RANBP2: variants seen among roughly 807,000 people sequenced by gnomAD.
RANBP2 encodes RAN binding protein 2.
RANBP2 carries 57 observed loss-of-function variants against 303.6 expected under a neutral mutation model. That is an observed-to-expected ratio of 0.19 (90% CI 0.15 to 0.23). The LOEUF is 0.23. RANBP2 is among the 10% of genes least tolerant of loss of function. The probability of loss-of-function intolerance (pLI) is 1.00; values close to 1 mark genes in which losing one functional copy is unlikely to be tolerated. For missense variants in RANBP2, 3,138 were observed against 3,780.8 expected (o/e 0.83, Z 4.46); for synonymous variants, 1,167 against 1,301.5 (o/e 0.90, Z 2.23).
intron 6 of RANBP2, among the ~76,000 whole-genome samples, chr2:108,738,144 C>T (rs370434628): frequency 6.6e-5 from 10 of 151,772 alleles, no homozygotes; most frequent in South Asian, 2.1e-4. Flanking sequence ...GGCGCCATCT[C>T]GGCTCACTGC....
At chr2:108,933,376 G>A in the RANBP2 span, among the ~76,000 whole-genome samples, 1 of 152,186 alleles carries the variant, frequency 6.6e-6, no homozygotes, top group African/African-American at 2.4e-5. Context: ...AGGAAAAAGC[G>A]TGTGTCCCTG....
chr2:109,485,796 A>G, the RANBP2 span, among the ~76,000 whole-genome samples: 51 of 152,338 alleles, frequency 3.3e-4, no homozygotes, highest in African/African-American at 1.2e-3. Flanking sequence ...GTAACATGTC[A>G]GTGTTCCGTG....
the RANBP2 span, among the ~76,000 whole-genome samples, chr2:109,183,554 G>A: frequency 3.9e-5 from 6 of 152,206 alleles, no homozygotes; most frequent in Non-Finnish European, 7.4e-5. Flanking sequence ...GAACATTTGA[G>A]TCTTACCCCA....
the RANBP2 span, among the ~76,000 whole-genome samples, chr2:109,392,605 C>T: frequency 3.3e-5 from 5 of 151,976 alleles, no homozygotes; most frequent in Admixed American, 6.5e-5. Flanking sequence ...AGCTCCGCCT[C>T]GTGGGTTCAC....
At chr2:108,827,553 C>T in the RANBP2 span, among the ~76,000 whole-genome samples, 1 of 151,920 alleles carries the variant, frequency 6.6e-6, no homozygotes, top group South Asian at 2.1e-4. Flanking sequence ...GCAGTGGCTC[C>T]CGCCTGTAAT....
the RANBP2 span, among the ~76,000 whole-genome samples, chr2:109,307,435 T>TTTA: frequency 3.8e-4 from 57 of 150,448 alleles, no homozygotes; most frequent in East Asian, 2.7e-3. Flanking sequence ...TTTTTTTTAT[T>TTTA]ATTATACTTT....
the RANBP2 span, among the ~76,000 whole-genome samples, chr2:109,677,446 T>G: frequency 6.6e-6 from 1 of 152,238 alleles, no homozygotes; most frequent in Non-Finnish European, 1.5e-5. Flanking sequence ...TGCCCTGGCA[T>G]GTACCCAACA....
the RANBP2 span, among the ~76,000 whole-genome samples, chr2:109,525,476 A>G: frequency 6.6e-6 from 1 of 152,152 alleles, no homozygotes; most frequent in Non-Finnish European, 1.5e-5. Flanking sequence ...TGAAAGTGCT[A>G]GTTACCTGCA....
At chr2:109,418,444 T>C in the RANBP2 span, among the ~76,000 whole-genome samples, 1 of 152,260 alleles carries the variant, frequency 6.6e-6, no homozygotes, top group East Asian at 1.9e-4. Context: ...GAGGGGAGTC[T>C]GTTCCGGGGC....
the RANBP2 span, among the ~76,000 whole-genome samples, chr2:109,629,355 A>ATATAT: frequency 6.5e-5 from 1 of 15,378 alleles, no homozygotes; most frequent in Non-Finnish European, 1.4e-4. Flanking sequence ...ATATATATAT[A>ATATAT]TTTTTTTTTT....
the RANBP2 span, among the ~76,000 whole-genome samples, chr2:109,528,723 C>T: frequency 1.3e-5 from 2 of 152,140 alleles, no homozygotes; most frequent in Non-Finnish European, 2.9e-5. Flanking sequence ...GTCCCCAAAG[C>T]GTCCTACTCC....
At chr2:108,869,685 CAAGAAAAA>C in the RANBP2 span, among the ~76,000 whole-genome samples, 1 of 151,760 alleles carries the variant, frequency 6.6e-6, no homozygotes, top group Non-Finnish European at 1.5e-5. Flanking sequence ...CCAGAGGAAA[CAAGAAAAA>C]AAGAAAAAAA....
At chr2:109,391,960 G>A in the RANBP2 span, among the ~76,000 whole-genome samples, 1 of 152,092 alleles carries the variant, frequency 6.6e-6, no homozygotes, top group Non-Finnish European at 1.5e-5. Flanking sequence ...CAGGACCACA[G>A]GTGCATGCCA....
chr2:109,431,835 C>T, the RANBP2 span, among the ~76,000 whole-genome samples: 248 of 152,156 alleles, frequency 1.6e-3, 1 homozygote, highest in African/African-American at 5.9e-3. Flanking sequence ...TGTACCACTG[C>T]ACTCCAGCCT....
the RANBP2 span, chr2:108,839,034 T>G: frequency 1.4e-6 from 1 of 740,130 alleles, no homozygotes. Context: ...CCAAATTGTA[T>G]TGCATATAGT....
the RANBP2 span, among the ~76,000 whole-genome samples, chr2:108,964,162 C>A: frequency 6.6e-6 from 1 of 152,182 alleles, no homozygotes; most frequent in Non-Finnish European, 1.5e-5. Context: ...TCTTTCAGAT[C>A]CCTCCCACCT....
At chr2:108,930,355 T>C in the RANBP2 span, 4 of 1,208,578 alleles carry the variant, frequency 3.3e-6, no homozygotes. Context: ...GGGGCTCTGC[T>C]GGGGGCTCGG....
At chr2:109,217,212 A>G in the RANBP2 span, among the ~76,000 whole-genome samples, 1 of 152,210 alleles carries the variant, frequency 6.6e-6, no homozygotes, top group Non-Finnish European at 1.5e-5. Context: ...TGTAGACAAT[A>G]TTCTGGGAGC....
At chr2:109,699,521 T>C in the RANBP2 span, among the ~76,000 whole-genome samples, 1 of 152,184 alleles carries the variant, frequency 6.6e-6, no homozygotes, top group Non-Finnish European at 1.5e-5. Context: ...AGTCTCACAA[T>C]AGAGTAAGCT....
Sources: gnomAD v4.1 joint callset for allele counts (sites outside exome capture counted in the v4.1 genomes callset) on GRCh38, gnomAD v4.1.1 for gene constraint, MANE v1.5 for transcripts, NCBI Gene and HGNC (gene_info 2026-07-23, HGNC 2026-07-21) for gene names.